The following KCNQ3 variants were observed in gnomAD, a reference collection of about 807,000 sequenced individuals.
KCNQ3 encodes potassium voltage-gated channel subfamily Q member 3.
Under a neutral mutation model 92.5 loss-of-function variants are expected in KCNQ3, and 30 were observed. The observed-to-expected ratio is 0.32, with a 90% confidence interval of 0.24 to 0.44. KCNQ3 has a LOEUF of 0.44. Ranked by LOEUF, KCNQ3 falls within the 20% of genes least tolerant of loss-of-function variation. The pLI is 1.00. For missense variants in KCNQ3, 913 were observed against 1,140.3 expected, an observed-to-expected ratio of 0.80 and a Z score of 2.87; for synonymous variants, 450 against 468.8, an observed-to-expected ratio of 0.96 and a Z score of 0.52.
At chr8:132,159,857 C>T (rs1825930125) in intron 9 of KCNQ3, among the ~76,000 whole-genome samples, 1 of 152,094 alleles carries the variant, frequency 6.6e-6, no homozygotes, top group Admixed American at 6.5e-5. Flanking sequence ...CATCATCCAC[C>T]CATTCATCCA....
intron 8 of KCNQ3, among the ~76,000 whole-genome samples, chr8:132,168,717 ATGTGTGTGTGTGTGTG>A (rs568659056): frequency 0.11 from 11,603 of 108,352 alleles, 692 homozygotes; most frequent in South Asian, 0.24. Context: ...GATAATGAAT[ATGTGTGTGTGTGTGTG>A]TGTGTGTGTG....
intron 1 of KCNQ3, among the ~76,000 whole-genome samples, chr8:132,363,760 T>A (rs934965752): frequency 6.6e-6 from 1 of 151,634 alleles, no homozygotes; most frequent in Non-Finnish European, 1.5e-5. Context: ...CCAAGTTCCA[T>A]TGGAACTCCT....
chr8:132,289,726 T>C (rs1324018499), intron 1 of KCNQ3, among the ~76,000 whole-genome samples: 1 of 152,192 alleles, frequency 6.6e-6, no homozygotes, highest in Non-Finnish European at 1.5e-5. Context: ...TTCATTCTAT[T>C]ACAAATATAT....
intron 1 of KCNQ3, among the ~76,000 whole-genome samples, chr8:132,194,295 A>G (rs575936150): frequency 6.6e-6 from 1 of 152,366 alleles, no homozygotes; most frequent in East Asian, 1.9e-4. Context: ...AGAAGGAGAC[A>G]TAACCTTAAA....
chr8:132,122,438 T>C lies in KCNQ3; in HGVS notation c.*6824A>G, dbSNP rs1046273418. The C allele has an allele frequency of 6.6e-6, 1 of 152,202 alleles. No individual in the cohort carries two copies. Among genetic ancestry groups the C allele is most frequent in the African/African-American group, 2.4e-5 (1 of 41,454 alleles). The allele number at this position is 152,202 out of a possible 1,614,324, so 9.4% of individuals were successfully genotyped here. A position where few individuals can be genotyped will look rare whatever the true frequency, so the allele number is the denominator to read the frequency against. ...ATCAAATTGCAGTCCATTCGACAAG[T>C]CTAAGAGGAATTACAAATACATTCC... On this transcript the variant is annotated 3_prime_UTR_variant, in exon 15 of 15. Transcript: ENST00000388996.
At chr8:132,224,111 C>CTTTTTTTTTAT (rs1178797269) in intron 1 of KCNQ3, among the ~76,000 whole-genome samples, 1 of 63,764 alleles carries the variant, frequency 1.6e-5, no homozygotes, top group Non-Finnish European at 2.9e-5. Context: ...TTTTTTTTTG[C>CTTTTTTTTTAT]TTTTGGAGAG....
chr8:132,431,462 G>A (rs978318216), intron 1 of KCNQ3, among the ~76,000 whole-genome samples: 1 of 152,310 alleles, frequency 6.6e-6, no homozygotes, highest in Admixed American at 6.5e-5. Context: ...GGTCTCTAGG[G>A]AGGTCGGTGA....
intron 4 of KCNQ3, among the ~76,000 whole-genome samples, chr8:132,176,479 T>C (rs945155522): frequency 4.6e-5 from 7 of 152,214 alleles, no homozygotes; most frequent in African/African-American, 1.7e-4. Flanking sequence ...GTGAACACAA[T>C]CTGGAGATTT....
intron 1 of KCNQ3, among the ~76,000 whole-genome samples, chr8:132,303,228 C>T (rs1420092147): frequency 1.3e-5 from 2 of 152,010 alleles, no homozygotes; most frequent in African/African-American, 2.4e-5. Context: ...GCTTATGGAA[C>T]CCATTAAAAC....
At chr8:132,172,715 C>T (rs781753373) in intron 6 of KCNQ3, 22 bp from the exon 7 acceptor site, 3 of 1,570,864 alleles carry the variant, frequency 1.9e-6, no homozygotes, top group Non-Finnish European at 2.6e-6. Context: ...GGCAGGCAGG[C>T]AGTCAGCCCC....
At chr8:132,184,567 C>T (rs568405947) in intron 2 of KCNQ3, among the ~76,000 whole-genome samples, 200 bp from the exon 3 acceptor site, 19 of 152,230 alleles carry the variant, frequency 1.2e-4, no homozygotes, top group African/African-American at 4.3e-4. Flanking sequence ...TGGAGGCCTC[C>T]CATCTTCATT....
rs965417324 is a variant in KCNQ3, at chr8:132,124,159, T to C, written c.*5103A>G. 1 of 152,250 alleles carries C rather than the reference T, an allele frequency of 6.6e-6. No individual in the cohort carries two copies. Among genetic ancestry groups the C allele is most frequent in the African/African-American group, 2.4e-5 (1 of 41,464 alleles). 9.4% of individuals were successfully genotyped at this position (152,250 alleles called of 1,614,324 possible). On this transcript the variant is annotated 3_prime_UTR_variant, in exon 15 of 15. Transcript: ENST00000388996. The stretch of plus-strand genomic sequence containing the variant: ...ATTCCAAGATTCCTTCTGTTCTTTA[T>C]TGTGGTAGACAAGAGCAAGCATTTT...
At chr8:132,170,462 G>A (rs1826293810) in intron 7 of KCNQ3, 34 bp from the exon 8 acceptor site, 2 of 1,401,870 alleles carry the variant, frequency 1.4e-6, no homozygotes, top group African/African-American at 1.4e-5. Flanking sequence ...ACAATGAGTG[G>A]GCACCACCTG....
intron 1 of KCNQ3, among the ~76,000 whole-genome samples, chr8:132,324,204 G>A (rs1028903232): frequency 5.9e-5 from 9 of 152,218 alleles, no homozygotes; most frequent in East Asian, 5.8e-4. Flanking sequence ...GTCCTGTCCC[G>A]TCAGCATGGT....
intron 1 of KCNQ3, among the ~76,000 whole-genome samples, chr8:132,261,369 C>T (rs1028058214): frequency 3.3e-5 from 5 of 152,214 alleles, no homozygotes; most frequent in African/African-American, 1.2e-4. Context: ...CTCTGCACTG[C>T]TAAATGAGCT....
intron 1 of KCNQ3, among the ~76,000 whole-genome samples, chr8:132,289,284 C>G (rs945313578): frequency 6.6e-6 from 1 of 152,170 alleles, no homozygotes; most frequent in African/African-American, 2.4e-5. Flanking sequence ...ACTTCTCATA[C>G]ATCATTTATA....
At chr8:132,203,327 T>C (rs1252292069) in intron 1 of KCNQ3, among the ~76,000 whole-genome samples, 1 of 152,204 alleles carries the variant, frequency 6.6e-6, no homozygotes, top group Admixed American at 6.5e-5. Flanking sequence ...AACTTCCCTA[T>C]GACCTGACCA....
At chr8:132,422,858 A>G (rs1179690697) in intron 1 of KCNQ3, among the ~76,000 whole-genome samples, 4 of 152,150 alleles carry the variant, frequency 2.6e-5, no homozygotes, top group Non-Finnish European at 5.9e-5. Context: ...CAGTGGAGGG[A>G]GAGAGGGGTG....
chr8:132,307,511 A>G (rs1451422783), intron 1 of KCNQ3, among the ~76,000 whole-genome samples: 1 of 152,162 alleles, frequency 6.6e-6, no homozygotes, highest in Non-Finnish European at 1.5e-5. Context: ...GAATCACTTC[A>G]TTTCTCTTGG....
Sources: gnomAD v4.1 joint callset for allele counts (sites outside exome capture counted in the v4.1 genomes callset) on GRCh38, gnomAD v4.1.1 for gene constraint, MANE v1.5 for transcripts, NCBI Gene and HGNC (gene_info 2026-07-23, HGNC 2026-07-21) for gene names.